The following SNAPC5 variants were observed in gnomAD, a reference collection of about 807,000 sequenced individuals.
The protein encoded by SNAPC5 is snRNA-activating protein complex subunit 5.
A neutral mutation model predicts 9.1 loss-of-function variants in SNAPC5; 12 were observed. The observed-to-expected ratio is 1.32, with a 90% CI of 0.85 to 2.15. The LOEUF is 2.15. Ranked by LOEUF, SNAPC5 falls within the 30% of genes most tolerant of loss-of-function variation. The pLI, the probability that SNAPC5 is intolerant of heterozygous loss-of-function variation, is 0.00. For missense variants in SNAPC5, 132 were observed against 114.4 expected (o/e 1.15, Z -0.70); for synonymous variants, 52 against 47.3 (o/e 1.10, Z -0.41).
downstream of SNAPC5, chr15:66,490,432 T>C (rs776728171): frequency 8.7e-7 from 1 of 1,150,010 alleles, no homozygotes; most frequent in African/African-American, 1.5e-5. Flanking sequence ...ACTCTTGGAT[T>C]TTCCTTCCTG....
In SNAPC5 at chr15:66,497,742, C is replaced by G. The variant is rs201174728; in HGVS notation, c.-11G>C. 1.2e-6 allele frequency: 2 copies of G among 1,605,098 alleles called. No individual in the cohort carries two copies. The highest frequency in any genetic ancestry group is 2.2e-5 in the East Asian group (1 of 44,714). On this transcript the variant is annotated 5_prime_UTR_variant, in exon 1 of 3. The change abolishes the stop of an existing upstream ORF in the 5' untranslated region. Coordinates refer to ENST00000316634, the MANE Select transcript of SNAPC5 (RefSeq NM_001329615.2). The stretch of plus-strand genomic sequence containing the variant: ...AAGCCGGCTCAGCATGTTGCCTGGT[C>G]ACATAGCCAACCTCCGGGCTGCTGT...
rs571021795 is a variant in SNAPC5 at position 66,497,660 on chromosome 15, G to A, written c.72C>T (p.Asp24=). Residue 24 remains aspartate, a synonymous_variant, in exon 1 of 3, where the codon GAC becomes GAT. Coordinates refer to ENST00000316634, the MANE Select transcript of SNAPC5 (RefSeq NM_001329615.2). Reference sequence around the variant, plus strand: ...GGGTCACCTTGAGGCGGTTCAGCTGGTCGTGCAGGGCTGCCTTCAACCGCA... The same window carrying A: ...GGGTCACCTTGAGGCGGTTCAGCTGATCGTGCAGGGCTGCCTTCAACCGCA... ...TLLRLKAALH[D]QLNRLKVEEL... is the part of the protein sequence containing the mutation. 12 of 1,614,080 alleles carry A rather than the reference G, an allele frequency of 7.4e-6. No homozygotes were observed. The South Asian group carries it at 1.3e-4, about 18-fold the overall frequency.
At chr15:66,491,417 T>C (rs1893253853), downstream of SNAPC5, 1 of 229,910 alleles carries the variant, frequency 4.3e-6, no homozygotes, top group Non-Finnish European at 8.6e-6. Flanking sequence ...AATGCTGTTG[T>C]AAACAACGTG....
downstream of SNAPC5, chr15:66,492,310 A>AAAAC (rs1893281079): frequency 1.2e-5 from 3 of 251,232 alleles, no homozygotes; most frequent in Non-Finnish European, 2.4e-5. Flanking sequence ...TTTTAGATTA[A>AAAAC]AAACAAAACT....
intron 1 of SNAPC5, among the ~76,000 whole-genome samples, chr15:66,496,418 T>A (rs561065177): frequency 6.6e-6 from 1 of 151,972 alleles, no homozygotes; most frequent in African/African-American, 2.4e-5. Context: ...TGAGCCAAGA[T>A]TGCGCCACCG....
chr15:66,492,164 A>G (rs1472422443), downstream of SNAPC5: 5 of 422,624 alleles, frequency 1.2e-5, no homozygotes, highest in East Asian at 7.4e-5. Context: ...CAGTGATGTC[A>G]CAAAGCCATT....
chr15:66,491,285 G>T, downstream of SNAPC5: 1 of 235,884 alleles, frequency 4.2e-6, no homozygotes, highest in Non-Finnish European at 8.4e-6. Flanking sequence ...TACTGTGTGG[G>T]ATACTTAGTG....
chr15:66,494,160 T>C lies in SNAPC5; in HGVS notation c.*276A>G, dbSNP rs577358323. On this transcript the variant is annotated 3_prime_UTR_variant, in exon 3 of 3. Transcript: ENST00000316634. ...CAACAGTATTTCAGAGGAAATTTTG[T>C]TCTGAACAGTTAACTGAATCTGACC... 6.6e-6 allele frequency: 2 copies of C among 303,330 alleles called. No individual in the cohort carries two copies. Among genetic ancestry groups the C allele is most frequent in the South Asian group, 1.3e-4 (2 of 15,448 alleles). 18.8% of individuals were successfully genotyped at this position (303,330 alleles called of 1,614,324 possible).
At chr15:66,497,444 T>C (rs750884926) in intron 1 of SNAPC5, 198 bp downstream of exon 1, 3 of 618,394 alleles carry the variant, frequency 4.9e-6, no homozygotes, top group Admixed American at 2.7e-5. Context: ...TTCTGAAAGA[T>C]AGGGCCTAAG....
At chr15:66,490,446 G>A (rs766104510), downstream of SNAPC5, 3 of 1,263,124 alleles carry the variant, frequency 2.4e-6, no homozygotes, top group Non-Finnish European at 3.5e-6. Flanking sequence ...CTTCCTGGTG[G>A]GTTTTGTTTT....
chr15:66,492,915 G>C (rs1357530319), downstream of SNAPC5, among the ~76,000 whole-genome samples: 5 of 152,132 alleles, frequency 3.3e-5, no homozygotes, highest in African/African-American at 1.2e-4. Flanking sequence ...CAAGTGACCA[G>C]TTTGTGGTAG....
At chr15:66,497,301 G>A (rs1249262008) in intron 1 of SNAPC5, among the ~76,000 whole-genome samples, 1 of 152,188 alleles carries the variant, frequency 6.6e-6, no homozygotes, top group Non-Finnish European at 1.5e-5. Flanking sequence ...GAGGGGTCTA[G>A]GCGAGCCTTC....
In SNAPC5 at chr15:66,493,896, A is replaced by G. The variant is rs1465734492; in HGVS notation, c.*540T>C. 6.6e-6 allele frequency: 1 copy of G among 152,500 alleles called. No individual in the cohort carries two copies. Among genetic ancestry groups the G allele is most frequent in the African/African-American group, 2.4e-5 (1 of 41,454 alleles). The allele number at this position is 152,500 out of a possible 1,614,324, so 9.4% of individuals were successfully genotyped here. On this transcript the variant is annotated 3_prime_UTR_variant, in exon 3 of 3. Coordinates refer to ENST00000316634, the MANE Select transcript of SNAPC5 (RefSeq NM_001329615.2). ...AAGTGAGAGGTGGTAACAGATACAC[A>G]AAGCAGTTTATAGCATGCAATATTT...
In SNAPC5 at chr15:66,497,675, C is replaced by T. The variant is rs1025224492; in HGVS notation, c.57G>A (p.Lys19=). 1.9e-6 allele frequency: 3 copies of T among 1,614,048 alleles called. No homozygotes were observed. The highest frequency in any genetic ancestry group is 2.5e-6 in the Non-Finnish European group (3 of 1,180,020). ...GGTTCAGCTGGTCGTGCAGGGCTGC[C>T]TTCAACCGCAGCAGCGTCTCCTCCT... is the stretch of plus-strand genomic sequence containing the variant. ...RKEEETLLRL[K]AALHDQLNRL... Residue 19 remains lysine, a synonymous_variant, in exon 1 of 3, where the codon AAG becomes AAA. Coordinates refer to ENST00000316634, the MANE Select transcript of SNAPC5 (RefSeq NM_001329615.2).
At chr15:66,493,073 T>C (rs12594835), downstream of SNAPC5, among the ~76,000 whole-genome samples, 42,531 of 152,062 alleles carry the variant, frequency 0.28, 6,553 homozygotes, top group South Asian at 0.37. Context: ...TTTAAACTTC[T>C]GGCTGTTTCC....
chr15:66,495,515 G>T, intron 1 of SNAPC5, 96 bp from the exon 2 acceptor site: 1 of 732,990 alleles, frequency 1.4e-6, no homozygotes. Flanking sequence ...TTTGCATCAA[G>T]AGAGGGAATG....
At position 66,494,444 on chromosome 15, in the gene SNAPC5, C is replaced by T; in HGVS notation, c.289G>A (p.Asp97Asn). ...EEEEEEEEES[D>N]S ...CTGGCTTTCCCCCTCCTTTAGGAAT[C>T]TGATTCTTCTTCCTCTTCCTCCTCC... The change falls in exon 3 of 3, where the codon GAT becomes AAT. Residue 97 changes from aspartate (D) to asparagine (N), a missense_variant. Coordinates refer to ENST00000316634, the MANE Select transcript of SNAPC5 (RefSeq NM_001329615.2). 1.9e-6 allele frequency: 3 copies of T among 1,609,058 alleles called. No individual in the cohort carries two copies. The highest frequency in any genetic ancestry group is 2.5e-6 in the Non-Finnish European group (3 of 1,176,986).
chr15:66,495,739 G>A (rs1031795730), intron 1 of SNAPC5, among the ~76,000 whole-genome samples: 5 of 80,170 alleles, frequency 6.2e-5, no homozygotes, highest in African/African-American at 1.7e-4. Flanking sequence ...ATTCCTCAGA[G>A]AGAGAGATTC....
intron 1 of SNAPC5, among the ~76,000 whole-genome samples, chr15:66,496,474 G>C (rs1165756126): frequency 6.7e-6 from 1 of 149,120 alleles, no homozygotes; most frequent in East Asian, 2.0e-4. Context: ...TCAAAAAAAA[G>C]ATTCTGAAAA....
Sources: gnomAD v4.1 joint callset for allele counts (sites outside exome capture counted in the v4.1 genomes callset) on GRCh38, gnomAD v4.1.1 for gene constraint, MANE v1.5 for transcripts, NCBI Gene and HGNC (gene_info 2026-07-23, HGNC 2026-07-21) for gene names.